Variants in MACROD2 observed in about 807,000 individuals in gnomAD.
The protein encoded by MACROD2 is ADP-ribose glycohydrolase MACROD2.
MACROD2 carries 36 observed loss-of-function variants against 70.4 expected under a neutral mutation model. That is an observed-to-expected ratio of 0.51 (90% CI 0.39 to 0.68). The LOEUF (loss-of-function observed/expected upper bound fraction) is 0.68, where lower values mean the gene tolerates loss of function less well. MACROD2 is among the 30% of genes least tolerant of loss of function. MACROD2 has a pLI of 0.00. For synonymous variants in MACROD2, 172 were observed against 178.8 expected (o/e 0.96, Z 0.30); for missense variants, 496 against 538.4 (o/e 0.92, Z 0.78).
intron 4 of MACROD2, among the ~76,000 whole-genome samples, chr20:14,531,593 A>G (rs1365473396): frequency 1.3e-5 from 2 of 152,200 alleles, no homozygotes; most frequent in Non-Finnish European, 2.9e-5. Flanking sequence ...GTAATTTGTT[A>G]CAGAAACCCA....
intron 7 of MACROD2, among the ~76,000 whole-genome samples, chr20:15,490,860 A>G (rs1282783729): frequency 6.6e-6 from 1 of 152,220 alleles, no homozygotes; most frequent in Non-Finnish European, 1.5e-5. Flanking sequence ...AGTCTAGCAG[A>G]TATGCAAGCC....
intron 6 of MACROD2, among the ~76,000 whole-genome samples, chr20:15,257,712 A>G (rs903656566): frequency 3.3e-4 from 50 of 152,104 alleles, no homozygotes; most frequent in African/African-American, 1.1e-3. Flanking sequence ...ATATATATGT[A>G]TAGCACACAA....
intron 7 of MACROD2, among the ~76,000 whole-genome samples, chr20:15,476,346 A>C (rs2047022084): frequency 6.6e-6 from 1 of 152,238 alleles, no homozygotes; most frequent in Non-Finnish European, 1.5e-5. Context: ...ACAGAAAAGG[A>C]AAATGAAAGT....
chr20:15,152,819 T>C (rs979574745), intron 5 of MACROD2, among the ~76,000 whole-genome samples: 4 of 152,026 alleles, frequency 2.6e-5, no homozygotes, highest in African/African-American at 9.7e-5. Flanking sequence ...CCTTCCCTAG[T>C]CCATGACTGG....
chr20:14,379,987 T>C (rs1258454931), intron 3 of MACROD2, among the ~76,000 whole-genome samples: 1 of 152,130 alleles, frequency 6.6e-6, no homozygotes, highest in Non-Finnish European at 1.5e-5. Flanking sequence ...CTGGGTGATA[T>C]GGTAATTCTA....
chr20:14,084,080 AAC>A lies in MACROD2; in HGVS notation c.164-1539_164-1538del, dbSNP rs571123737. On this transcript the variant is annotated intron_variant, in intron 2 of 17. Coordinates refer to ENST00000684519, the MANE Select transcript of MACROD2 (RefSeq NM_001351661.2). ...CCGTCTCAAAAAAAAACAAAAAACA[AAC>A]AAAAAAAAACCTTCCGGGAGAGAAG... Among the ~76,000 whole-genome samples the A allele has an allele frequency of 9.6e-5, 14 of 146,036 alleles. 5 individuals carry two copies. The highest frequency in any genetic ancestry group is 1.4e-4 in the Admixed American group (2 of 14,648).
intron 10 of MACROD2, among the ~76,000 whole-genome samples, chr20:15,898,261 A>G (rs913576666): frequency 6.6e-6 from 1 of 152,080 alleles, no homozygotes; most frequent in Non-Finnish European, 1.5e-5. Context: ...TTGAATCTGC[A>G]TCCATCAGCT....
intron 8 of MACROD2, among the ~76,000 whole-genome samples, chr20:15,671,090 A>G (rs944023192): frequency 6.6e-6 from 1 of 152,196 alleles, no homozygotes; most frequent in East Asian, 1.9e-4. Context: ...CTATCATGCA[A>G]TGGTTGTCAG....
intron 5 of MACROD2, among the ~76,000 whole-genome samples, chr20:15,090,513 G>A (rs903988895): frequency 6.6e-6 from 1 of 151,986 alleles, no homozygotes; most frequent in African/African-American, 2.4e-5. Flanking sequence ...GCCTATTTAT[G>A]AGCCACATAA....
rs77731904 is a variant in MACROD2 at position 15,759,549 on chromosome 20, C to A, written c.646-103196C>A. The stretch of plus-strand genomic sequence containing the variant: ...GTGCTCAGATAGATACTGGAAATGC[C>A]TAGGTTTCACTTGTACCTATTTCCC... On this transcript the variant is annotated intron_variant, in intron 8 of 17. Transcript: ENST00000684519. Among the ~76,000 whole-genome samples, 354 of 152,188 alleles carry A rather than the reference C, an allele frequency of 2.3e-3. 1 individual carries two copies. Among genetic ancestry groups the A allele is most frequent in the African/African-American group, 8.3e-3 (345 of 41,538 alleles).
rs1271267893 is a variant in MACROD2, at chr20:14,140,837, G to A, written c.271+55109G>A. On this transcript the variant is annotated intron_variant, in intron 3 of 17. Coordinates refer to ENST00000684519, the MANE Select transcript of MACROD2 (RefSeq NM_001351661.2). ...GTATCGGCCGAGAGAGAGGCAGCTG[G>A]TGGGCTCCTGTACCCTATCTAGCCC... 2.0e-5 allele frequency among the ~76,000 whole-genome samples: 3 copies of A among 152,126 alleles called. No individual in the cohort carries two copies. In the East Asian group the frequency reaches 5.8e-4, roughly 29 times the overall value.
At chr20:14,346,558 A>G (rs1349989589) in intron 3 of MACROD2, among the ~76,000 whole-genome samples, 3 of 152,242 alleles carry the variant, frequency 2.0e-5, no homozygotes, top group Admixed American at 2.0e-4. Context: ...ATTCAGGCTC[A>G]GAGAGGTTAC....
chr20:15,454,007 A>C (rs2046680876), intron 7 of MACROD2, among the ~76,000 whole-genome samples: 1 of 152,120 alleles, frequency 6.6e-6, no homozygotes. Context: ...AGCTTTATGC[A>C]CCAGATCGTT....
intron 8 of MACROD2, among the ~76,000 whole-genome samples, chr20:15,783,798 C>A (rs1278636484): frequency 6.6e-6 from 1 of 152,140 alleles, no homozygotes; most frequent in East Asian, 1.9e-4. Flanking sequence ...CCATCCATGT[C>A]CTCCAGACTG....
At chr20:14,284,155 G>C (rs1264400352) in intron 3 of MACROD2, among the ~76,000 whole-genome samples, 1 of 152,054 alleles carries the variant, frequency 6.6e-6, no homozygotes, top group Non-Finnish European at 1.5e-5. Context: ...TGTTAGTAGA[G>C]GTGTTGGGTT....
intron 2 of MACROD2, among the ~76,000 whole-genome samples, chr20:14,067,478 G>A (rs192056941): frequency 2.0e-4 from 30 of 152,016 alleles, no homozygotes; most frequent in Middle Eastern, 3.2e-3. Flanking sequence ...TGAGGATTTC[G>A]TACATTTTAC....
chr20:15,319,547 T>C (rs74411046), intron 6 of MACROD2, among the ~76,000 whole-genome samples: 8,399 of 152,252 alleles, frequency 0.055, 786 homozygotes, highest in African/African-American at 0.19. Flanking sequence ...CTAATGGGAA[T>C]GTAAAATGGT....
intron 8 of MACROD2, among the ~76,000 whole-genome samples, chr20:15,701,786 T>C (rs2050462978): frequency 6.6e-6 from 1 of 152,286 alleles, no homozygotes; most frequent in East Asian, 1.9e-4. Flanking sequence ...TAGTACCCAA[T>C]AGGTAGTTTG....
chr20:14,084,068 AAACAAAAAACAAAC>A (rs1408856447), intron 2 of MACROD2, among the ~76,000 whole-genome samples: 8 of 145,074 alleles, frequency 5.5e-5, no homozygotes, highest in Non-Finnish European at 7.6e-5. Context: ...TCTCAAAAAA[AAACAAAAAACAAAC>A]AAAAAAAAAC....
Sources: gnomAD v4.1 joint callset for allele counts (sites outside exome capture counted in the v4.1 genomes callset) on GRCh38, gnomAD v4.1.1 for gene constraint, MANE v1.5 for transcripts, NCBI Gene and HGNC (gene_info 2026-07-23, HGNC 2026-07-21) for gene names.